The following HDAC4 variants were observed in gnomAD, a reference collection of about 807,000 sequenced individuals.
HDAC4 encodes the protein histone deacetylase A.
HDAC4 carries 16 observed loss-of-function variants against 135.1 expected under a neutral mutation model. That is an observed-to-expected ratio of 0.12 (90% CI 0.08 to 0.18). The LOEUF (loss-of-function observed/expected upper bound fraction) is 0.18, where lower values mean the gene tolerates loss of function less well. Ranked by LOEUF, HDAC4 falls within the 10% of genes least tolerant of loss-of-function variation. The pLI is 1.00. For missense variants in HDAC4, 1,143 were observed against 1,511.8 expected (o/e 0.76, Z 4.05); for synonymous variants, 685 against 653.4 (o/e 1.05, Z -0.74).
chr2:239,175,278 A>C (rs2043687762), intron 5 of HDAC4, among the ~76,000 whole-genome samples: 1 of 152,242 alleles, frequency 6.6e-6, no homozygotes, highest in South Asian at 2.1e-4. Context: ...GGCTCTTTTA[A>C]GTGAAGATCT....
chr2:239,161,073 C>T (rs954377913), intron 6 of HDAC4, among the ~76,000 whole-genome samples: 1 of 152,226 alleles, frequency 6.6e-6, no homozygotes, highest in Non-Finnish European at 1.5e-5. Context: ...CACTTACTGG[C>T]CATCCCCATG....
rs2152922184 is a variant in HDAC4 at position 239,146,580 on chromosome 2, C to T, written c.734-1866G>A. Among the ~76,000 whole-genome samples the T allele has an allele frequency of 6.6e-6, 1 of 152,292 alleles. No homozygotes were observed. The highest frequency in any genetic ancestry group is 2.1e-4 in the South Asian group (1 of 4,826). On this transcript the variant is annotated intron_variant, in intron 7 of 26. Transcript: ENST00000543185. This position sits in a 1 kb window ranked among gnomAD's most constrained non-coding sequence, Gnocchi z 4.5. Reference sequence around the variant, plus strand: ...CCCAGGCCCTGTGGGGGTCATCACGCTGCCACCAGGTCATCAGTCAGGCGG... The same window carrying T: ...CCCAGGCCCTGTGGGGGTCATCACGTTGCCACCAGGTCATCAGTCAGGCGG...
At position 239,303,767 on chromosome 2, in the gene HDAC4, C is replaced by T. The variant is rs1300751108; in HGVS notation, c.22+48911G>A. On this transcript the variant is annotated intron_variant, in intron 2 of 26. Coordinates refer to ENST00000543185, the MANE Select transcript of HDAC4 (RefSeq NM_001378414.1). The surrounding 1 kb of genome is among the most constrained non-coding windows in gnomAD (Gnocchi z 5.1). ...ACCCCTCACTCTTCAAAAGCGACTG[C>T]GACAGCTGCATCCCCCGTGCTCAAC... Among the ~76,000 whole-genome samples, 4 of 152,286 alleles carry T rather than the reference C, an allele frequency of 2.6e-5. No individual in the cohort carries two copies. Among genetic ancestry groups the T allele is most frequent in the East Asian group, 1.9e-4 (1 of 5,182 alleles).
At chr2:239,346,906 C>T (rs964719803) in intron 2 of HDAC4, among the ~76,000 whole-genome samples, 4 of 137,304 alleles carry the variant, frequency 2.9e-5, no homozygotes, top group African/African-American at 7.6e-5. Context: ...GTCTCTCACA[C>T]ACACACCCTG....
At position 239,053,141 on chromosome 2, in the gene HDAC4, G is replaced by A. The variant is rs772261696; in HGVS notation, c.3231-5C>T. 3.1e-6 allele frequency: 5 copies of A among 1,614,188 alleles called. No individual in the cohort carries two copies. The highest frequency in any genetic ancestry group is 2.7e-5 in the African/African-American group (2 of 75,068). Reference sequence around the variant, plus strand: ...TCCATGGGCTCCTCATCTGGTCTGTGGATCCCGCAAGAGAAGGAGATGGGG... The same window carrying A: ...TCCATGGGCTCCTCATCTGGTCTGTAGATCCCGCAAGAGAAGGAGATGGGG... On this transcript the variant is annotated splice_polypyrimidine_tract_variant and splice_region_variant and intron_variant, in intron 26 of 26. Transcript: ENST00000543185.
In HDAC4 at chr2:239,115,475, G is replaced by A. The variant is rs1052944092; in HGVS notation, c.1534-165C>T. Among the ~76,000 whole-genome samples, 2 of 152,098 alleles carry A rather than the reference G, an allele frequency of 1.3e-5. No individual in the cohort carries two copies. Among genetic ancestry groups the A allele is most frequent in the Non-Finnish European group, 2.9e-5 (2 of 68,004 alleles). ...AGCAGGCACCTTTATCTCCCAACAG[G>A]CACTGGGGTGCCTGAGTGCCTAAGA... On this transcript the variant is annotated intron_variant, in intron 12 of 26. Transcript: ENST00000543185. This position sits in a 1 kb window ranked among gnomAD's most constrained non-coding sequence, Gnocchi z 6.3.
At position 239,309,659 on chromosome 2, in the gene HDAC4, A is replaced by G. The variant is rs1286198711; in HGVS notation, c.22+43019T>C. Among the ~76,000 whole-genome samples the G allele has an allele frequency of 6.6e-6, 1 of 152,216 alleles. No homozygotes were observed. The highest frequency in any genetic ancestry group is 1.5e-5 in the Non-Finnish European group (1 of 68,030). ...GGGCCCAGGGAGAAGATGGAGGTCA[A>G]GTCATAGGGCCTCCACCGCAGGCAG... On this transcript the variant is annotated intron_variant, in intron 2 of 26. Coordinates refer to ENST00000543185, the MANE Select transcript of HDAC4 (RefSeq NM_001378414.1). This position sits in a 1 kb window ranked among gnomAD's most constrained non-coding sequence, Gnocchi z 4.2.
chr2:239,340,421 A>T (rs762792058), intron 2 of HDAC4, among the ~76,000 whole-genome samples: 2 of 152,224 alleles, frequency 1.3e-5, no homozygotes, highest in Non-Finnish European at 2.9e-5. Flanking sequence ...ACTGAGCTCC[A>T]GTCTGCCACC....
chr2:239,085,734 C>G (rs377671633), intron 19 of HDAC4: 13 of 152,140 alleles, frequency 8.5e-5, no homozygotes, highest in African/African-American at 3.1e-4. Context: ...ACACTCTGCT[C>G]TAACACGCGG....
At chr2:239,055,247 C>T in intron 24 of HDAC4, 1 of 267,630 alleles carries the variant, frequency 3.7e-6, no homozygotes, top group Non-Finnish European at 7.4e-6. Flanking sequence ...GGTTTTCTTC[C>T]AGGGCAGCGG....
At chr2:239,388,388 G>T (rs1029429270) in intron 1 of HDAC4, among the ~76,000 whole-genome samples, 1 of 152,210 alleles carries the variant, frequency 6.6e-6, no homozygotes, top group Non-Finnish European at 1.5e-5. Context: ...AGGCAGATGC[G>T]GTCAGTGCGG....
intron 2 of HDAC4, among the ~76,000 whole-genome samples, chr2:239,312,207 C>T (rs1361315371): frequency 6.6e-6 from 1 of 152,178 alleles, no homozygotes; most frequent in Non-Finnish European, 1.5e-5. Context: ...GGGCAGGACA[C>T]CAGGCCAGCC....
rs534423310 is a variant in HDAC4 at position 239,068,817 on chromosome 2, A to G, written c.2751-210T>C. 4.7e-4 allele frequency: 291 copies of G among 617,940 alleles called. No individual in the cohort carries two copies. The highest frequency in any genetic ancestry group is 6.5e-4 in the Non-Finnish European group (217 of 333,448). 38.3% of individuals were successfully genotyped at this position (617,940 alleles called of 1,614,324 possible). A position where few individuals can be genotyped will look rare whatever the true frequency, so the allele number is the denominator to read the frequency against. ...CACGTGTGATCCAGGCTCATTTCAC[A>G]TCTTCACAGTGCAAGCCAGCAAGCC... On this transcript the variant is annotated intron_variant, in intron 22 of 26. Transcript: ENST00000543185. This position sits in a 1 kb window ranked among gnomAD's most constrained non-coding sequence, Gnocchi z 4.4.
In HDAC4 at chr2:239,126,688, T is replaced by C. The variant is rs200238930; in HGVS notation, c.1301A>G (p.Tyr434Cys). 38 of 1,613,508 alleles carry C rather than the reference T, an allele frequency of 2.4e-5. No homozygotes were observed. Among genetic ancestry groups the C allele is most frequent in the Admixed American group, 3.3e-5 (2 of 59,992 alleles). Residue 434 changes from tyrosine (Y) to cysteine (C), a missense_variant, in exon 12 of 27, where the codon TAT becomes TGT. Tyr to Cys is a radical substitution (Grantham distance 194). Around this residue, in one of 9 missense-constraint regions of HDAC4, gnomAD observed 272 missense variants for 309.7 expected, o/e 0.88. Transcript: ENST00000543185. ...GGGCAGTGCTCCCAGGCCTGAAAGA[T>C]ACCAGTCTGAAGATAATTGGAGGAA... ...PAQAPLVTDW[Y>C]LSGLGALPLH... is the part of the protein sequence containing the mutation.
intron 2 of HDAC4, among the ~76,000 whole-genome samples, chr2:239,336,339 A>G (rs1691938733): frequency 6.6e-6 from 1 of 152,198 alleles, no homozygotes; most frequent in Non-Finnish European, 1.5e-5. Flanking sequence ...CTAAGCAGTC[A>G]TGATTCTTGC....
At chr2:239,086,338 C>T (rs1206528119) in intron 19 of HDAC4, among the ~76,000 whole-genome samples, 11 of 144,094 alleles carry the variant, frequency 7.6e-5, no homozygotes, top group African/African-American at 2.5e-4. Context: ...CTGACTATCT[C>T]GCACGTACAG....
At chr2:239,101,697 G>GT (rs938810454) in intron 16 of HDAC4, among the ~76,000 whole-genome samples, 2 of 152,170 alleles carry the variant, frequency 1.3e-5, no homozygotes, top group African/African-American at 4.8e-5. Flanking sequence ...AGGGAAAGAC[G>GT]TTATCGAGGA....
intron 1 of HDAC4, among the ~76,000 whole-genome samples, chr2:239,380,091 G>A (rs942470286): frequency 8.5e-5 from 13 of 152,226 alleles, no homozygotes; most frequent in Admixed American, 3.3e-4. Context: ...GGGGCGCGGC[G>A]TGGGCCCATG....
In HDAC4 at chr2:239,239,585, G is replaced by C. The variant is rs116094714; in HGVS notation, c.23-2921C>G. ...CTCGCTGGACACTCAGGAAGCTCCT[G>C]GGATCCTAAGAGCTCCCTGCCAGGA... On this transcript the variant is annotated intron_variant, in intron 2 of 26. Transcript: ENST00000543185. 2.2e-3 allele frequency among the ~76,000 whole-genome samples: 341 copies of C among 152,284 alleles called. 2 individuals carry two copies. The highest frequency in any genetic ancestry group is 7.4e-3 in the African/African-American group (306 of 41,556).
Sources: allele counts gnomAD v4.1 joint callset (sites outside exome capture counted in the v4.1 genomes callset), GRCh38; gene constraint gnomAD v4.1.1; regional missense constraint gnomAD v4.1.1; non-coding constraint Gnocchi (gnomAD v3.1); transcripts MANE v1.5; gene names NCBI Gene and HGNC (gene_info 2026-07-23, HGNC 2026-07-21).